Variants in RRP36 observed in about 807,000 individuals in gnomAD.
The protein encoded by RRP36 is ribosomal RNA processing 36, also known as ribosomal RNA processing protein 36 homolog.
RRP36 carries 44 observed loss-of-function variants against 39.8 expected under a neutral mutation model. The observed-to-expected ratio is 1.10, with a 90% CI of 0.87 to 1.42. The LOEUF is 1.42. Ranked by LOEUF, RRP36 falls within the 40% of genes most tolerant of loss-of-function variation. The pLI, the probability that RRP36 is intolerant of heterozygous loss-of-function variation, is 0.00. For synonymous variants in RRP36, 124 were observed against 123.1 expected (o/e 1.01, Z -0.05); for missense variants, 316 against 322.4 (o/e 0.98, Z 0.15).
intron 1 of RRP36, among the ~76,000 whole-genome samples, chr6:43,023,045 G>A (rs779883039): frequency 4.6e-5 from 7 of 152,170 alleles, no homozygotes; most frequent in Non-Finnish European, 7.3e-5. Context: ...AAATGCTGCA[G>A]GCTTTTTGTT....
intron 1 of RRP36, 65 bp from the exon 2 acceptor site, chr6:43,024,920 G>A (rs1762783274): frequency 6.3e-7 from 1 of 1,585,364 alleles, no homozygotes; most frequent in African/African-American, 1.3e-5. Flanking sequence ...AATGGGGATG[G>A]GAAGATGTCT....
rs1188984907 is a variant in RRP36 at position 43,025,935 on chromosome 6, A to C, written c.346-102A>C. 32 of 857,556 alleles carry C rather than the reference A, an allele frequency of 3.7e-5. No homozygotes were observed. In the South Asian group the frequency reaches 5.1e-4, roughly 14 times the overall value. The allele number at this position is 857,556 out of a possible 1,614,324, so 53.1% of individuals were successfully genotyped here. The stretch of plus-strand genomic sequence containing the variant: ...GCGACAGAGCGAGACTGTGTCTCAA[A>C]AAGCAAAAAAAAAGAAAGATGAGGA... On this transcript the variant is annotated intron_variant, in intron 3 of 6. Coordinates refer to ENST00000244496, the MANE Select transcript of RRP36 (RefSeq NM_033112.4).
At chr6:43,027,043 G>A in intron 4 of RRP36, 135 bp from the exon 5 acceptor site, 1 of 710,762 alleles carries the variant, frequency 1.4e-6, no homozygotes, top group Non-Finnish European at 2.4e-6. Context: ...TCAAGCCTGT[G>A]ACAGAGCAAG....
rs374693217 is a variant in RRP36, at chr6:43,021,673, C to G, written c.19C>G (p.Arg7Gly). 1.6e-6 allele frequency: 2 copies of G among 1,247,948 alleles called. No individual in the cohort carries two copies. The highest frequency in any genetic ancestry group is 3.5e-5 in the South Asian group (1 of 28,872). The allele number at this position is 1,247,948 out of a possible 1,614,324, so 77.3% of individuals were successfully genotyped here. ...CCAGCTGATGCCGGGAGCTAACTACCGCGCCGGGGCCGGGGCCGGGGCCGG... is the reference window on the plus strand; with the variant it reads ...CCAGCTGATGCCGGGAGCTAACTACGGCGCCGGGGCCGGGGCCGGGGCCGG... MPGANY[R>G]AGAGAGAGAR... Residue 7 changes from arginine (R) to glycine (G), a missense_variant, in exon 1 of 7, where the codon CGC becomes GGC. Arg to Gly is a moderately radical substitution (Grantham distance 125). Transcript: ENST00000244496.
intron 1 of RRP36, among the ~76,000 whole-genome samples, chr6:43,024,334 A>C (rs1045012879): frequency 7.9e-5 from 12 of 152,196 alleles, no homozygotes; most frequent in Non-Finnish European, 2.9e-5. Context: ...AGACACATTG[A>C]GAGGAGTGAG....
chr6:43,023,602 G>C (rs907890031), intron 1 of RRP36, among the ~76,000 whole-genome samples: 1 of 151,848 alleles, frequency 6.6e-6, no homozygotes, highest in African/African-American at 2.4e-5. Flanking sequence ...TGAGGCAGGA[G>C]AATCGCTTGA....
chr6:43,022,793 G>A (rs1318957627), intron 1 of RRP36, among the ~76,000 whole-genome samples: 2 of 151,690 alleles, frequency 1.3e-5, no homozygotes, highest in Non-Finnish European at 2.9e-5. Context: ...CACCACGCCC[G>A]GCTAATTTTT....
rs369106860 is a variant in RRP36, at chr6:43,027,175, G to A, written c.451-3G>A. The A allele has an allele frequency of 6.1e-5, 98 of 1,613,686 alleles. 1 individual carries two copies. The African/African-American group carries it at 1.1e-3, about 18-fold the overall frequency. On this transcript the variant is annotated splice_polypyrimidine_tract_variant and splice_region_variant and intron_variant, in intron 4 of 6. Coordinates refer to ENST00000244496, the MANE Select transcript of RRP36 (RefSeq NM_033112.4). The stretch of plus-strand genomic sequence containing the variant: ...ACCATGATACTCATTTTCCAATGTG[G>A]AGCTTGTGAAAAAACAGTTGAAGAA...
chr6:43,028,726 G>A (rs954091195), intron 6 of RRP36, among the ~76,000 whole-genome samples: 9 of 151,718 alleles, frequency 5.9e-5, no homozygotes, highest in African/African-American at 1.9e-4. Flanking sequence ...TGAGGAGAGC[G>A]GATCACCTGA....
chr6:43,023,971 C>T (rs529765689), intron 1 of RRP36, among the ~76,000 whole-genome samples: 39 of 151,882 alleles, frequency 2.6e-4, no homozygotes, highest in Non-Finnish European at 4.7e-4. Context: ...CTTCTCCCGC[C>T]TCAGCCTCCC....
At chr6:43,024,744 G>T (rs547682789) in intron 1 of RRP36, among the ~76,000 whole-genome samples, 1 of 152,178 alleles carries the variant, frequency 6.6e-6, no homozygotes, top group South Asian at 2.1e-4. Flanking sequence ...GAAAAAGAAG[G>T]GACTATGGTT....
intron 4 of RRP36, 101 bp from the exon 5 acceptor site, chr6:43,027,077 T>A: frequency 1.0e-6 from 1 of 965,338 alleles, no homozygotes. Context: ...AAAAAATGTG[T>A]GTGTGTGTAT....
At position 43,027,957 on chromosome 6, in the gene RRP36, A is replaced by C. The variant is rs540519547; in HGVS notation, c.643+480A>C. Among the ~76,000 whole-genome samples the C allele has an allele frequency of 7.9e-5, 12 of 152,244 alleles. No homozygotes were observed. In the South Asian group the frequency reaches 2.1e-3, roughly 26 times the overall value. ...GTTTCTTGGTCTACACTGCACACAC[A>C]CACATGCACACACGCTGGGCCAGGC... is the stretch of plus-strand genomic sequence containing the variant. On this transcript the variant is annotated intron_variant, in intron 6 of 6. Transcript: ENST00000244496.
chr6:43,027,575 C>A, intron 6 of RRP36, 98 bp downstream of exon 6: 1 of 961,112 alleles, frequency 1.0e-6, no homozygotes, highest in Non-Finnish European at 1.6e-6. Flanking sequence ...TTAAGGAAGG[C>A]ATGAAGGCTG....
rs780449083 is a variant in RRP36, at chr6:43,027,410, C to T, written c.576C>T (p.His192=). ...QQERKQQQEL[H]LALKQERRAQ... is the part of the protein sequence containing the mutation. ...AACGAAAGCAACAGCAGGAGCTGCACCTGGCCCTGAAGCAAGAACGTCGGG... is the reference window on the plus strand; with the variant it reads ...AACGAAAGCAACAGCAGGAGCTGCATCTGGCCCTGAAGCAAGAACGTCGGG... Residue 192 remains histidine (H), a synonymous_variant, in exon 6 of 7, where the codon CAC becomes CAT. Transcript: ENST00000244496. The T allele has an allele frequency of 4.1e-5, 66 of 1,614,098 alleles. No individual in the cohort carries two copies. Among genetic ancestry groups the T allele is most frequent in the Non-Finnish European group, 2.8e-5 (33 of 1,180,052 alleles).
chr6:43,024,909 G>A, intron 1 of RRP36, 76 bp from the exon 2 acceptor site: 1 of 1,554,518 alleles, frequency 6.4e-7, no homozygotes, highest in South Asian at 1.1e-5. Context: ...GCTAGCTAAG[G>A]AATGGGGATG....
In RRP36 at chr6:43,022,632, C is replaced by CTTT. The variant is rs34268212; in HGVS notation, c.130+866_130+868dup. 1.8e-3 allele frequency among the ~76,000 whole-genome samples: 193 copies of CTTT among 107,060 alleles called. 15 individuals carry two copies. The highest frequency in any genetic ancestry group is 7.1e-3 in the African/African-American group (170 of 23,902). 70.2% of individuals were successfully genotyped at this position (107,060 alleles called of 152,430 possible). On this transcript the variant is annotated intron_variant, in intron 1 of 6. Transcript: ENST00000244496. The stretch of plus-strand genomic sequence containing the variant: ...ATTTAATGTAGAAACAAGGTCTCAC[C>CTTT]TTTTTTTTTTTTTTTTTTTTGACGG...
intron 1 of RRP36, 66 bp downstream of exon 1, chr6:43,021,850 C>A: frequency 1.7e-6 from 2 of 1,146,294 alleles, no homozygotes; most frequent in Non-Finnish European, 2.2e-6. Flanking sequence ...CCTGAGCCTG[C>A]AGAGACGGTG....
intron 6 of RRP36, 74 bp from the exon 7 acceptor site, chr6:43,029,018 G>A: frequency 6.3e-7 from 1 of 1,586,222 alleles, no homozygotes; most frequent in Non-Finnish European, 8.6e-7. Flanking sequence ...ATGGCTTGGA[G>A]TTACTGACCT....
Sources: allele counts gnomAD v4.1 joint callset (sites outside exome capture counted in the v4.1 genomes callset), GRCh38; gene constraint gnomAD v4.1.1; transcripts MANE v1.5; gene names NCBI Gene and HGNC (gene_info 2026-07-23, HGNC 2026-07-21).